PITPNA: variants seen among roughly 807,000 people sequenced by gnomAD.
PITPNA encodes phosphatidylinositol transfer protein alpha, also known as phosphatidylinositol transfer protein alpha isoform.
PITPNA carries 13 observed loss-of-function variants against 50.3 expected under a neutral mutation model. The observed-to-expected ratio is 0.26, with a 90% CI of 0.17 to 0.41. The LOEUF is 0.41. Ranked by LOEUF, PITPNA falls within the 10% of genes least tolerant of loss-of-function variation. The pLI is 1.00. For synonymous variants in PITPNA, 120 were observed against 119.6 expected, an observed-to-expected ratio of 1.00 and a Z score of -0.02; for missense variants, 207 against 333.4, an observed-to-expected ratio of 0.62 and a Z score of 2.95.
intron 10 of PITPNA, among the ~76,000 whole-genome samples, chr17:1,531,590 G>A (rs2075583938): frequency 6.6e-6 from 1 of 151,892 alleles, no homozygotes; most frequent in African/African-American, 2.4e-5. Flanking sequence ...GTTTGAGGCT[G>A]CAGTGAGCTA....
At chr17:1,547,646 T>C (rs955733333) in intron 4 of PITPNA, among the ~76,000 whole-genome samples, 2 of 151,310 alleles carry the variant, frequency 1.3e-5, no homozygotes, top group East Asian at 1.9e-4. Context: ...CCAGGCTCCA[T>C]CTCAAAAAAA....
intron 7 of PITPNA, chr17:1,535,796 C>CA (rs2075612437): frequency 2.4e-6 from 1 of 424,504 alleles, no homozygotes; most frequent in Non-Finnish European, 4.3e-6. Context: ...GTGTTGAAGA[C>CA]AGAGACTTTC....
intron 4 of PITPNA, among the ~76,000 whole-genome samples, chr17:1,545,344 CT>C (rs1374517931): frequency 3.9e-5 from 6 of 152,242 alleles, no homozygotes; most frequent in African/African-American, 1.4e-4. Flanking sequence ...AAACTTGGAT[CT>C]ACTGAGGCCA....
intron 6 of PITPNA, among the ~76,000 whole-genome samples, chr17:1,539,765 CTT>C (rs1258081004): frequency 6.6e-6 from 1 of 152,260 alleles, no homozygotes; most frequent in Non-Finnish European, 1.5e-5. Context: ...GAGATGGAGT[CTT>C]GCTGCGACGC....
chr17:1,535,693 GA>G, intron 7 of PITPNA, 175 bp from the exon 8 acceptor site: 1 of 617,070 alleles, frequency 1.6e-6, no homozygotes, highest in Non-Finnish European at 2.9e-6. Context: ...AGCCTCAGAG[GA>G]GAGTTCTATG....
At chr17:1,528,228 CCT>C (rs2075559482) in intron 10 of PITPNA, among the ~76,000 whole-genome samples, 1 of 152,234 alleles carries the variant, frequency 6.6e-6, no homozygotes, top group South Asian at 2.1e-4. Flanking sequence ...ACCATTTCTG[CCT>C]CCTGGATTCA....
chr17:1,540,821 G>A (rs961371225), intron 6 of PITPNA, among the ~76,000 whole-genome samples: 2 of 152,122 alleles, frequency 1.3e-5, no homozygotes, highest in East Asian at 1.9e-4. Context: ...TCCTGACCTC[G>A]TGATCCGCCT....
chr17:1,537,070 G>T (rs913768182), intron 7 of PITPNA, among the ~76,000 whole-genome samples: 4 of 144,024 alleles, frequency 2.8e-5, no homozygotes, highest in African/African-American at 5.3e-5. Context: ...AGCTAATTTT[G>T]TATTTTTTTT....
At chr17:1,560,424 C>G (rs1309970476) in intron 1 of PITPNA, among the ~76,000 whole-genome samples, 1 of 152,218 alleles carries the variant, frequency 6.6e-6, no homozygotes, top group East Asian at 1.9e-4. Flanking sequence ...GTCCCCCGCC[C>G]AGGGATGCAC....
rs2241000 is a variant in PITPNA, at chr17:1,556,260, G to C, written c.51+2269C>G. 1.6e-4 allele frequency among the ~76,000 whole-genome samples: 24 copies of C among 152,316 alleles called. No individual in the cohort carries two copies. In the East Asian group the frequency reaches 4.4e-3, roughly 28 times the overall value. Reference sequence around the variant, plus strand: ...TTTCTTGTCAATGGTTTCTTGCTGAGAACGGGCTGACCACTGCCAGGCAGA... The same window carrying C: ...TTTCTTGTCAATGGTTTCTTGCTGACAACGGGCTGACCACTGCCAGGCAGA... On this transcript the variant is annotated intron_variant, in intron 2 of 11. Coordinates refer to ENST00000313486, the MANE Select transcript of PITPNA (RefSeq NM_006224.4).
chr17:1,526,419 C>A (rs924901233), intron 10 of PITPNA, among the ~76,000 whole-genome samples: 3 of 152,216 alleles, frequency 2.0e-5, no homozygotes, highest in African/African-American at 7.2e-5. Context: ...AGTCTCTGGG[C>A]AAAGGAGTGT....
intron 2 of PITPNA, among the ~76,000 whole-genome samples, chr17:1,557,062 G>C (rs953676872): frequency 6.6e-6 from 1 of 152,150 alleles, no homozygotes; most frequent in Non-Finnish European, 1.5e-5. Context: ...TACATCCCCA[G>C]TGCCTACAGG....
At chr17:1,535,319 C>A (rs370352356) in intron 8 of PITPNA, 27 bp from the exon 9 acceptor site, 5 of 1,555,974 alleles carry the variant, frequency 3.2e-6, no homozygotes, top group Non-Finnish European at 4.4e-6. Context: ...CCCATGGGTA[C>A]GCAAGTAACA....
rs996085695 is a variant in PITPNA, at chr17:1,538,907, A to G, written c.418T>C (p.Tyr140His). 2 of 1,613,858 alleles carry G rather than the reference A, an allele frequency of 1.2e-6. No homozygotes were observed. The highest frequency in any genetic ancestry group is 4.5e-5 in the East Asian group (2 of 44,874). The change falls in exon 7 of 12, where the codon TAT becomes CAT. Residue 140 changes from tyrosine (Y) to histidine (H), a missense_variant. Coordinates refer to ENST00000313486, the MANE Select transcript of PITPNA (RefSeq NM_006224.4). ...PEAWKHVEAV[Y>H]IDIADRSQVL... ...TGGCTTCGATCTGCAATGTCTATAT[A>G]TACGGCTTCCACGTGTTTCCACGCC...
In PITPNA at chr17:1,560,418, C is replaced by T. The variant is rs1567589633; in HGVS notation, c.21-1859G>A. 2.0e-5 allele frequency among the ~76,000 whole-genome samples: 3 copies of T among 152,216 alleles called. No individual in the cohort carries two copies. The South Asian group carries it at 6.2e-4, about 31-fold the overall frequency. ...TGATGCCCCTGCTCCTCCCCCGTCC[C>T]CCGCCCAGGGATGCACACACGGGGC... On this transcript the variant is annotated intron_variant, in intron 1 of 11. Transcript: ENST00000313486.
chr17:1,540,658 G>A (rs780974661), intron 6 of PITPNA, among the ~76,000 whole-genome samples: 6 of 151,224 alleles, frequency 4.0e-5, no homozygotes, highest in Non-Finnish European at 8.8e-5. Flanking sequence ...GCGTGATCTC[G>A]GCTCACTGCA....
chr17:1,554,213 T>C (rs1046968183), intron 2 of PITPNA, among the ~76,000 whole-genome samples: 1 of 151,986 alleles, frequency 6.6e-6, no homozygotes, highest in Non-Finnish European at 1.5e-5. Context: ...CACCAACGGA[T>C]GTGTCTTTCC....
chr17:1,549,935 A>G (rs2075699546), intron 3 of PITPNA, among the ~76,000 whole-genome samples: 2 of 152,120 alleles, frequency 1.3e-5, no homozygotes, highest in African/African-American at 2.4e-5. Context: ...TCAGCCTCCT[A>G]AAGTGCGGGG....
At chr17:1,554,012 T>A (rs910230780) in intron 2 of PITPNA, among the ~76,000 whole-genome samples, 4 of 152,220 alleles carry the variant, frequency 2.6e-5, no homozygotes, top group African/African-American at 9.6e-5. Context: ...TTCCTTTATT[T>A]GGGTCACATG....
Sources: allele counts gnomAD v4.1 joint callset (sites outside exome capture counted in the v4.1 genomes callset), GRCh38; gene constraint gnomAD v4.1.1; transcripts MANE v1.5; gene names NCBI Gene and HGNC (gene_info 2026-07-23, HGNC 2026-07-21).